The following LPAR1 variants were observed in gnomAD, a reference collection of about 807,000 sequenced individuals.
LPAR1 encodes the protein lysophosphatidic acid receptor 1.
LPAR1 carries 5 observed loss-of-function variants against 23.8 expected under a neutral mutation model. That is an observed-to-expected ratio of 0.21 (90% CI 0.11 to 0.44). The LOEUF (loss-of-function observed/expected upper bound fraction) is 0.44. LPAR1 is among the 20% of genes least tolerant of loss of function. The probability of loss-of-function intolerance (pLI) is 0.99; values close to 1 mark genes in which losing one functional copy is unlikely to be tolerated. For missense variants in LPAR1, 311 were observed against 482.8 expected (o/e 0.64, Z 3.33); for synonymous variants, 160 against 164.7 (o/e 0.97, Z 0.22).
intron 5 of LPAR1, among the ~76,000 whole-genome samples, chr9:110,885,971 G>T (rs571552410): frequency 6.6e-6 from 1 of 150,632 alleles, no homozygotes; most frequent in South Asian, 2.1e-4. Flanking sequence ...GCTGAGGCGG[G>T]TGGATTGCCT....
intron 5 of LPAR1, among the ~76,000 whole-genome samples, chr9:110,905,935 A>C (rs1198108165): frequency 6.6e-6 from 1 of 152,214 alleles, no homozygotes; most frequent in Non-Finnish European, 1.5e-5. Context: ...CCTAATTTAC[A>C]GCAGTGCTAT....
chr9:110,953,065 G>A (rs1335474113), intron 4 of LPAR1, among the ~76,000 whole-genome samples: 1 of 152,160 alleles, frequency 6.6e-6, no homozygotes, highest in Admixed American at 6.5e-5. Context: ...TGTCAACACA[G>A]TATGGACCAC....
chr9:110,956,450 G>T (rs568095049), intron 4 of LPAR1, among the ~76,000 whole-genome samples: 18 of 151,762 alleles, frequency 1.2e-4, no homozygotes, highest in African/African-American at 4.1e-4. Context: ...AATAAAGAAA[G>T]AAAGATTAGG....
At chr9:110,982,326 G>T in intron 2 of LPAR1, among the ~76,000 whole-genome samples, 1 of 152,072 alleles carries the variant, frequency 6.6e-6, no homozygotes, top group East Asian at 1.9e-4. Flanking sequence ...GTCCTTTTCA[G>T]GGACATGGAT....
intron 5 of LPAR1, among the ~76,000 whole-genome samples, chr9:110,938,092 T>C (rs769763453): frequency 6.6e-6 from 1 of 152,206 alleles, no homozygotes; most frequent in African/African-American, 2.4e-5. Flanking sequence ...CAGCATTTAT[T>C]GACTACCTAC....
chr9:110,965,103 G>A, intron 4 of LPAR1, among the ~76,000 whole-genome samples: 1 of 151,916 alleles, frequency 6.6e-6, no homozygotes. Flanking sequence ...ACTTCTGACA[G>A]GTGATCCACC....
At chr9:110,975,648 G>C (rs1044489965) in intron 2 of LPAR1, among the ~76,000 whole-genome samples, 1 of 152,160 alleles carries the variant, frequency 6.6e-6, no homozygotes, top group Non-Finnish European at 1.5e-5. Context: ...GGAGAAAGTA[G>C]GATGAAAGTC....
intron 2 of LPAR1, among the ~76,000 whole-genome samples, chr9:110,988,202 A>C (rs1202177602): frequency 1.3e-5 from 2 of 152,118 alleles, no homozygotes; most frequent in Non-Finnish European, 2.9e-5. Context: ...AATTCATCAT[A>C]AGCAGACGTT....
At chr9:110,922,855 T>TATA (rs1554786609) in intron 5 of LPAR1, among the ~76,000 whole-genome samples, 1 of 148,014 alleles carries the variant, frequency 6.8e-6, no homozygotes, top group Non-Finnish European at 1.5e-5. Context: ...TTATTATTAT[T>TATA]ATACTTTAAG....
At chr9:111,001,012 T>TA (rs2097118686) in intron 2 of LPAR1, among the ~76,000 whole-genome samples, 1 of 152,156 alleles carries the variant, frequency 6.6e-6, no homozygotes, top group Non-Finnish European at 1.5e-5. Flanking sequence ...TTTAATATGC[T>TA]AAAATCAAAC....
chr9:110,990,465 A>G (rs899971566), intron 2 of LPAR1, among the ~76,000 whole-genome samples: 1 of 152,154 alleles, frequency 6.6e-6, no homozygotes, highest in Admixed American at 6.5e-5. Context: ...GCTGGAAACT[A>G]AGTAATGTAT....
intron 4 of LPAR1, among the ~76,000 whole-genome samples, chr9:110,958,585 A>G (rs982104251): frequency 6.6e-6 from 1 of 152,100 alleles, no homozygotes; most frequent in Non-Finnish European, 1.5e-5. Flanking sequence ...AACTCAAGAT[A>G]AAGACTTTAT....
chr9:110,889,364 TAAA>T (rs1162747569), intron 5 of LPAR1, among the ~76,000 whole-genome samples: 1 of 151,116 alleles, frequency 6.6e-6, no homozygotes, highest in Non-Finnish European at 1.5e-5. Context: ...TCTCAAAAAA[TAAA>T]AAAATAAATA....
chr9:110,880,460 T>G (rs1341477441), intron 5 of LPAR1, among the ~76,000 whole-genome samples: 1 of 152,170 alleles, frequency 6.6e-6, no homozygotes, highest in Non-Finnish European at 1.5e-5. Flanking sequence ...TGAACTTTGC[T>G]TACATATGGA....
At position 110,971,572 on chromosome 9, in the gene LPAR1, T is replaced by G. The variant is rs546979857; in HGVS notation, c.45+501A>C. ...GACAGAAAAAAATAACTCATACGAT[T>G]GCTGCTCAGAAGTTTCTGGAATTGC... On this transcript the variant is annotated intron_variant, in intron 4 of 5. Coordinates refer to ENST00000683809, the MANE Select transcript of LPAR1 (RefSeq NM_001351411.2). 2.0e-5 allele frequency among the ~76,000 whole-genome samples: 3 copies of G among 152,298 alleles called. No individual in the cohort carries two copies. The East Asian group carries it at 5.8e-4, about 29-fold the overall frequency.
intron 2 of LPAR1, among the ~76,000 whole-genome samples, chr9:110,987,870 C>T (rs1335835949): frequency 6.6e-6 from 1 of 151,830 alleles, no homozygotes; most frequent in African/African-American, 2.4e-5. Flanking sequence ...AAAATAAACA[C>T]TATAAACCCA....
At chr9:110,984,163 A>G (rs1437536338) in intron 2 of LPAR1, among the ~76,000 whole-genome samples, 1 of 151,956 alleles carries the variant, frequency 6.6e-6, no homozygotes, top group Non-Finnish European at 1.5e-5. Context: ...AATGTACAAT[A>G]AATTTACCCT....
In LPAR1 at chr9:110,969,361, T is replaced by C. The variant is rs118012336; in HGVS notation, c.45+2712A>G. Among the ~76,000 whole-genome samples the C allele has an allele frequency of 8.9e-3, 1,360 of 152,298 alleles. 10 individuals are homozygous for C. Among genetic ancestry groups the C allele is most frequent in the Non-Finnish European group, 0.014 (943 of 68,014 alleles). ...ACTATTTTGCGTCTTGCTTTCTTTT[T>C]CCTCCATACGATATCTTGGAGTAAT... is the stretch of plus-strand genomic sequence containing the variant. On this transcript the variant is annotated intron_variant, in intron 4 of 5. Coordinates refer to ENST00000683809, the MANE Select transcript of LPAR1 (RefSeq NM_001351411.2).
chr9:110,953,275 C>T (rs966401533), intron 4 of LPAR1, among the ~76,000 whole-genome samples: 3 of 152,182 alleles, frequency 2.0e-5, no homozygotes, highest in African/African-American at 7.2e-5. Context: ...ACTGCCACTA[C>T]TGAGGCTCAG....
Sources: gnomAD v4.1 joint callset for allele counts (sites outside exome capture counted in the v4.1 genomes callset) on GRCh38, gnomAD v4.1.1 for gene constraint, MANE v1.5 for transcripts, NCBI Gene and HGNC (gene_info 2026-07-23, HGNC 2026-07-21) for gene names.